Variants in KIAA1217 observed in about 807,000 individuals in gnomAD.
KIAA1217 encodes sickle tail protein homolog.
KIAA1217 carries 88 observed loss-of-function variants against 163.9 expected under a neutral mutation model. That is an observed-to-expected ratio of 0.54 (90% CI 0.45 to 0.64). The LOEUF (loss-of-function observed/expected upper bound fraction) is 0.64. Among genes scored for constraint, KIAA1217 ranks in the 30% least tolerant of loss-of-function variants. The pLI, the probability that KIAA1217 is intolerant of heterozygous loss-of-function variation, is 0.00. For missense variants in KIAA1217, 2,372 were observed against 2,475.0 expected, an observed-to-expected ratio of 0.96 and a Z score of 0.88; for synonymous variants, 903 against 923.1, an observed-to-expected ratio of 0.98 and a Z score of 0.39.
intron 2 of KIAA1217, among the ~76,000 whole-genome samples, chr10:24,234,178 C>G (rs1351577452): frequency 6.6e-6 from 1 of 151,112 alleles, no homozygotes; most frequent in Non-Finnish European, 1.5e-5. Flanking sequence ...ACATGATGCT[C>G]AAAGGTCATG....
At chr10:23,864,619 C>A (rs1196401747) in intron 1 of KIAA1217, among the ~76,000 whole-genome samples, 1 of 151,682 alleles carries the variant, frequency 6.6e-6, no homozygotes, top group East Asian at 1.9e-4. Context: ...TTGTACAGAC[C>A]TGTACAAATA....
intron 2 of KIAA1217, among the ~76,000 whole-genome samples, chr10:24,092,391 T>C (rs969707499): frequency 6.6e-6 from 1 of 151,770 alleles, no homozygotes; most frequent in Non-Finnish European, 1.5e-5. Flanking sequence ...AGCCATGCCA[T>C]ATAACCCAGC....
intron 12 of KIAA1217, among the ~76,000 whole-genome samples, chr10:24,523,770 T>C (rs1287432734): frequency 6.6e-6 from 1 of 152,206 alleles, no homozygotes; most frequent in Non-Finnish European, 1.5e-5. Context: ...CACTCTGTCT[T>C]TTCCACTACA....
intron 2 of KIAA1217, among the ~76,000 whole-genome samples, chr10:24,373,813 T>C (rs765633181): frequency 6.6e-6 from 1 of 152,216 alleles, no homozygotes. Context: ...ACACAGAGGA[T>C]GCCTCAGTGC....
Position 23,778,188 on chromosome 10 carries a change from C to G in KIAA1217, c.-321+82954C>G, listed in dbSNP as rs187131980. ...ACTCCTGACCTCGTGATTCCCCCCC[C>G]TTCGGCCTCCCAAAGTGTTGGGATT... On this transcript the variant is annotated intron_variant, in intron 1 of 18. Transcript: ENST00000376462. Among the ~76,000 whole-genome samples the G allele has an allele frequency of 7.2e-4, 109 of 152,266 alleles. 2 individuals carry two copies. The highest frequency in any genetic ancestry group is 3.6e-3 in the Admixed American group (55 of 15,290).
intron 1 of KIAA1217, among the ~76,000 whole-genome samples, chr10:23,764,239 A>C (rs1240550760): frequency 1.3e-5 from 2 of 152,208 alleles, no homozygotes; most frequent in Non-Finnish European, 2.9e-5. Flanking sequence ...AAATGAAAAT[A>C]AAAACCACAA....
At chr10:23,767,903 C>T (rs1156623273) in intron 1 of KIAA1217, among the ~76,000 whole-genome samples, 1 of 152,174 alleles carries the variant, frequency 6.6e-6, no homozygotes, top group East Asian at 1.9e-4. Flanking sequence ...AGGGCTTTCT[C>T]CTTTCCCCCT....
At position 23,992,130 on chromosome 10, in the gene KIAA1217, A is replaced by T. The variant is rs180739812; in HGVS notation, c.-320-15095A>T. ...AAAAGAATACTCCCCAAACCACAAA[A>T]CTGAGACAACTAGAGTGCTTTGGAT... On this transcript the variant is annotated intron_variant, in intron 1 of 18. Coordinates refer to the KIAA1217 transcript ENST00000376462. Among the ~76,000 whole-genome samples the T allele has an allele frequency of 2.0e-3, 301 of 152,294 alleles. 1 individual carries two copies. Among genetic ancestry groups the T allele is most frequent in the Non-Finnish European group, 1.6e-3 (112 of 68,032 alleles).
At chr10:24,068,579 G>C (rs1217185847) in intron 2 of KIAA1217, among the ~76,000 whole-genome samples, 1 of 152,148 alleles carries the variant, frequency 6.6e-6, no homozygotes, top group Admixed American at 6.5e-5. Flanking sequence ...ACTTTGCCCA[G>C]TCTTCATGGA....
intron 5 of KIAA1217, among the ~76,000 whole-genome samples, chr10:24,452,095 T>C (rs1487092657): frequency 6.6e-6 from 1 of 152,210 alleles, no homozygotes; most frequent in East Asian, 1.9e-4. Context: ...AACACGTTAA[T>C]CTTTTAAAAA....
chr10:23,859,172 T>C (rs1224358673), intron 1 of KIAA1217, among the ~76,000 whole-genome samples: 1 of 152,234 alleles, frequency 6.6e-6, no homozygotes, highest in African/African-American at 2.4e-5. Context: ...GTATAACATG[T>C]GAAACTTGTT....
At chr10:24,389,630 C>A (rs1022626770) in intron 3 of KIAA1217, among the ~76,000 whole-genome samples, 1 of 152,022 alleles carries the variant, frequency 6.6e-6, no homozygotes, top group African/African-American at 2.4e-5. Context: ...GCATCAGAAC[C>A]AGCGCCCTGG....
intron 1 of KIAA1217, among the ~76,000 whole-genome samples, chr10:23,960,351 C>G (rs1844770747): frequency 6.8e-6 from 1 of 147,554 alleles, no homozygotes; most frequent in African/African-American, 2.5e-5. Flanking sequence ...CTCTGCCTCC[C>G]AGTTCCAGCA....
intron 2 of KIAA1217, among the ~76,000 whole-genome samples, chr10:24,278,747 T>G (rs893065721): frequency 1.3e-5 from 2 of 152,158 alleles, no homozygotes; most frequent in African/African-American, 4.8e-5. Flanking sequence ...AGAGAGAAAT[T>G]TACTTCCTTT....
Position 24,120,191 on chromosome 10 carries a change from A to G in KIAA1217, c.-170-99435A>G, listed in dbSNP as rs567347083. Among the ~76,000 whole-genome samples, 11 of 152,312 alleles carry G rather than the reference A, an allele frequency of 7.2e-5. No homozygotes were observed. The East Asian group carries it at 2.1e-3, about 29-fold the overall frequency. On this transcript the variant is annotated intron_variant, in intron 2 of 18. Coordinates refer to the KIAA1217 transcript ENST00000376462. ...TAGGAGAGTGTATTATTTCAGACCT[A>G]TAGATGTCCTTTAAATTTCCCCTAC...
chr10:24,005,658 G>A lies in KIAA1217; in HGVS notation c.-320-1567G>A, dbSNP rs146258675. On this transcript the variant is annotated intron_variant, in intron 1 of 18. Coordinates refer to the KIAA1217 transcript ENST00000376462. ...CCAGAGAATTGTTATTACTAAAAGT[G>A]ATAACAATGGATTTAGTGTGGTGTC... Among the ~76,000 whole-genome samples, 1,258 of 152,298 alleles carry A rather than the reference G, an allele frequency of 8.3e-3. 24 individuals are homozygous for A. Among genetic ancestry groups the A allele is most frequent in the African/African-American group, 0.029 (1,208 of 41,568 alleles).
At chr10:24,241,375 AT>A (rs1315424956) in intron 2 of KIAA1217, among the ~76,000 whole-genome samples, 1 of 152,168 alleles carries the variant, frequency 6.6e-6, no homozygotes, top group Middle Eastern at 3.2e-3. Flanking sequence ...GGGTATTTAT[AT>A]TTTTATATTA....
At chr10:23,790,171 A>G (rs1249612930) in intron 1 of KIAA1217, among the ~76,000 whole-genome samples, 16 of 64,358 alleles carry the variant, frequency 2.5e-4, no homozygotes, top group East Asian at 9.1e-4. Flanking sequence ...ACACATATAC[A>G]CATATGCATA....
rs192988296 is a variant in KIAA1217, at chr10:23,714,621, T to G, written c.-321+19387T>G. Among the ~76,000 whole-genome samples, 282 of 152,258 alleles carry G rather than the reference T, an allele frequency of 1.9e-3. 1 individual carries two copies. Among genetic ancestry groups the G allele is most frequent in the Admixed American group, 4.5e-3 (69 of 15,264 alleles). ...TTCCCTCCTCACTTGACCTCTGGAC[T>G]AAAGATGACTACAAAGTTTTTTTCC... is the stretch of plus-strand genomic sequence containing the variant. On this transcript the variant is annotated intron_variant, in intron 1 of 18. Transcript: ENST00000376462.
Sources: gnomAD v4.1 joint callset for allele counts (sites outside exome capture counted in the v4.1 genomes callset) on GRCh38, gnomAD v4.1.1 for gene constraint, MANE v1.5 for transcripts, NCBI Gene and HGNC (gene_info 2026-07-23, HGNC 2026-07-21) for gene names.